Variants in MMS22L observed in about 807,000 individuals in gnomAD.
MMS22L encodes the protein MMS22 like, DNA repair protein, also known as protein MMS22-like.
A neutral mutation model predicts 159.1 loss-of-function variants in MMS22L; 74 were observed. The ratio of observed to expected loss-of-function variants is 0.47; its 90% CI spans 0.39 to 0.56. The LOEUF (loss-of-function observed/expected upper bound fraction) is 0.56, where lower values mean the gene tolerates loss of function less well. Among genes scored for constraint, MMS22L ranks in the 20% least tolerant of loss-of-function variants. The pLI is 0.00. For missense variants in MMS22L, 1,351 were observed against 1,422.1 expected (o/e 0.95, Z 0.80); for synonymous variants, 517 against 506.9 (o/e 1.02, Z -0.27).
At chr6:97,228,096 A>G (rs973931345) in intron 14 of MMS22L, among the ~76,000 whole-genome samples, 4 of 152,236 alleles carry the variant, frequency 2.6e-5, no homozygotes, top group Non-Finnish European at 5.9e-5. Context: ...CTTTTAAAAA[A>G]TGGTGTAATG....
Position 97,229,089 on chromosome 6 carries a change from A to G in MMS22L, c.1844T>C (p.Val615Ala), listed in dbSNP as rs1810568834. 4 of 1,614,036 alleles carry G rather than the reference A, an allele frequency of 2.5e-6. No individual in the cohort carries two copies. Among genetic ancestry groups the G allele is most frequent in the Admixed American group, 1.7e-5 (1 of 59,996 alleles). Residue 615 changes from valine (V) to alanine (A), a missense_variant, in exon 14 of 25, where the codon GTA becomes GCA. Physicochemically the swap from Val to Ala is moderately conservative, Grantham distance 64. Coordinates refer to ENST00000683635, the MANE Select transcript of MMS22L (RefSeq NM_001350599.2). Reference protein sequence around the residue: ...EFLVSKNEEMVQRQTIWTLLS... With the variant: ...EFLVSKNEEMAQRQTIWTLLS... ...AAGGGTCCAGATAGTCTGTCTCTGT[A>G]CCATTTCCTCATTCTTAGACACCAA...
intron 14 of MMS22L, among the ~76,000 whole-genome samples, chr6:97,191,257 G>C (rs911892236): frequency 4.6e-5 from 7 of 152,116 alleles, no homozygotes; most frequent in African/African-American, 1.7e-4. Context: ...CTCAGTTTCT[G>C]CTCCTCCCTA....
At chr6:97,245,715 T>G (rs997228444) in intron 11 of MMS22L, among the ~76,000 whole-genome samples, 15 of 152,214 alleles carry the variant, frequency 9.9e-5, no homozygotes, top group Admixed American at 7.9e-4. Flanking sequence ...AAGCTAAAAT[T>G]TTTAGTTCAT....
intron 14 of MMS22L, among the ~76,000 whole-genome samples, chr6:97,222,996 A>T (rs140267002): frequency 6.6e-6 from 1 of 152,230 alleles, no homozygotes; most frequent in East Asian, 1.9e-4. Context: ...GACTGCTAAA[A>T]CTATTTGACA....
intron 23 of MMS22L, among the ~76,000 whole-genome samples, chr6:97,150,644 C>T (rs756871483): frequency 2.6e-5 from 4 of 152,150 alleles, no homozygotes; most frequent in Non-Finnish European, 1.5e-5. Flanking sequence ...CTTTTCTCCC[C>T]TCCTAGGGCT....
At chr6:97,179,612 A>G in intron 16 of MMS22L, 53 bp from the exon 17 acceptor site, 1 of 1,499,484 alleles carries the variant, frequency 6.7e-7, no homozygotes, top group Non-Finnish European at 8.9e-7. Context: ...TCCTGAGTAT[A>G]GAGATTAAGA....
intron 14 of MMS22L, among the ~76,000 whole-genome samples, chr6:97,217,916 A>C (rs990833375): frequency 1.6e-4 from 24 of 152,164 alleles, no homozygotes; most frequent in African/African-American, 4.8e-4. Flanking sequence ...CCCTCTTCCA[A>C]ATGCCTTCCT....
chr6:97,200,735 C>T (rs1347183124), intron 14 of MMS22L, among the ~76,000 whole-genome samples: 1 of 151,920 alleles, frequency 6.6e-6, no homozygotes, highest in Non-Finnish European at 1.5e-5. Flanking sequence ...TATGAATGTG[C>T]AACAGTGCTA....
chr6:97,153,765 C>T (rs573876924), intron 22 of MMS22L, among the ~76,000 whole-genome samples: 7 of 152,224 alleles, frequency 4.6e-5, no homozygotes, highest in Non-Finnish European at 8.8e-5. Flanking sequence ...ATAATGTTTT[C>T]AAGATTCATC....
chr6:97,282,468 A>T lies in MMS22L; in HGVS notation c.10T>A (p.Cys4Ser). 6.3e-7 allele frequency: 1 copy of T among 1,594,982 alleles called. No individual in the cohort carries two copies. The highest frequency in any genetic ancestry group is 2.3e-5 in the East Asian group (1 of 43,832). Residue 4 changes from cysteine to serine, a missense_variant, in exon 2 of 25, where the codon TGT becomes AGT. Cys to Ser is a moderately radical substitution (Grantham distance 112, BLOSUM62 -1). Coordinates refer to ENST00000683635, the MANE Select transcript of MMS22L (RefSeq NM_001350599.2). ...GTCAGGAACGTCGATGCAGCAGAACAGTTCTCCATTGTTTACTTCATGTTC... is the reference window on the plus strand; with the variant it reads ...GTCAGGAACGTCGATGCAGCAGAACTGTTCTCCATTGTTTACTTCATGTTC... MENCSAASTFLTDS... is the reference protein window; with the variant it reads MENSSAASTFLTDS...
At chr6:97,229,535 C>G (rs1037117806) in intron 13 of MMS22L, 132 bp from the exon 14 acceptor site, 22 of 671,722 alleles carry the variant, frequency 3.3e-5, no homozygotes, top group Non-Finnish European at 4.7e-5. Context: ...TTTGATGCTG[C>G]CTTGTCACTT....
chr6:97,159,948 GTTT>G (rs368455553), intron 22 of MMS22L, among the ~76,000 whole-genome samples: 3 of 97,180 alleles, frequency 3.1e-5, no homozygotes, highest in African/African-American at 1.2e-4. Context: ...TATCATTTCT[GTTT>G]TTTTTTTTTT....
At chr6:97,238,104 G>A (rs1366315322) in intron 11 of MMS22L, among the ~76,000 whole-genome samples, 1 of 152,228 alleles carries the variant, frequency 6.6e-6, no homozygotes, top group African/African-American at 2.4e-5. Flanking sequence ...TAAGCTAGCT[G>A]TGTGAACCTG....
At chr6:97,176,715 T>C (rs1562420875) in intron 18 of MMS22L, among the ~76,000 whole-genome samples, 1 of 152,202 alleles carries the variant, frequency 6.6e-6, no homozygotes, top group Non-Finnish European at 1.5e-5. Context: ...GTTTCACATG[T>C]CTTGTCACAA....
At chr6:97,199,672 C>T (rs967601672) in intron 14 of MMS22L, among the ~76,000 whole-genome samples, 1 of 151,916 alleles carries the variant, frequency 6.6e-6, no homozygotes, top group Non-Finnish European at 1.5e-5. Flanking sequence ...GATCTACAAA[C>T]CTCATCATCA....
chr6:97,170,487 T>C (rs746671177), intron 19 of MMS22L, among the ~76,000 whole-genome samples: 3 of 151,794 alleles, frequency 2.0e-5, no homozygotes, highest in Non-Finnish European at 4.4e-5. Context: ...TTTCTGGCTA[T>C]AAATATATTA....
chr6:97,259,874 T>G (rs1429389475), intron 9 of MMS22L: 1 of 152,174 alleles, frequency 6.6e-6, no homozygotes, highest in African/African-American at 2.4e-5. Flanking sequence ...AATAAACGTA[T>G]GCATATGCAT....
Position 97,206,500 on chromosome 6 carries a change from G to T in MMS22L, c.2040-19810C>A, listed in dbSNP as rs1011611627. ...ACTAAATTAACATGCTTTTTATAAT[G>T]AACTATATAATAAAACAAAATTCTG... On this transcript the variant is annotated intron_variant, in intron 14 of 24. Coordinates refer to ENST00000683635, the MANE Select transcript of MMS22L (RefSeq NM_001350599.2). Among the ~76,000 whole-genome samples, 5 of 151,734 alleles carry T rather than the reference G, an allele frequency of 3.3e-5. No homozygotes were observed. The South Asian group carries it at 6.2e-4, about 19-fold the overall frequency.
At chr6:97,237,993 TA>T (rs1249270632) in intron 11 of MMS22L, among the ~76,000 whole-genome samples, 8 of 152,262 alleles carry the variant, frequency 5.3e-5, no homozygotes, top group Admixed American at 2.0e-4. Context: ...ATTTAAACTA[TA>T]AAAAATATGC....
Sources: allele counts gnomAD v4.1 joint callset (sites outside exome capture counted in the v4.1 genomes callset), GRCh38; gene constraint gnomAD v4.1.1; transcripts MANE v1.5; gene names NCBI Gene and HGNC (gene_info 2026-07-23, HGNC 2026-07-21).